The following ANKRD6 variants were observed in gnomAD, a reference collection of about 807,000 sequenced individuals.
ANKRD6 encodes ankyrin repeat domain 6.
Under a neutral mutation model 82.3 loss-of-function variants are expected in ANKRD6, and 56 were observed. The observed-to-expected ratio is 0.68, with a 90% CI of 0.55 to 0.85. The LOEUF is 0.85. Ranked by LOEUF, ANKRD6 falls within the 40% of genes least tolerant of loss-of-function variation. The probability of loss-of-function intolerance (pLI) is 0.00; values close to 1 mark genes in which losing one functional copy is unlikely to be tolerated. For synonymous variants in ANKRD6, 347 were observed against 352.1 expected, an observed-to-expected ratio of 0.99 and a Z score of 0.16; for missense variants, 852 against 907.6, an observed-to-expected ratio of 0.94 and a Z score of 0.79.
intron 1 of ANKRD6, among the ~76,000 whole-genome samples, chr6:89,488,152 G>C (rs1195475762): frequency 6.6e-6 from 1 of 152,210 alleles, no homozygotes; most frequent in Non-Finnish European, 1.5e-5. Context: ...TCTACAGCAT[G>C]TTGTGACCTA....
At chr6:89,491,835 G>A (rs570577189) in intron 1 of ANKRD6, among the ~76,000 whole-genome samples, 1 of 151,768 alleles carries the variant, frequency 6.6e-6, no homozygotes, top group Non-Finnish European at 1.5e-5. Context: ...CCTTATACCT[G>A]GAGGAAAAGA....
At chr6:89,477,098 C>T (rs1478405162) in intron 1 of ANKRD6, among the ~76,000 whole-genome samples, 1 of 152,168 alleles carries the variant, frequency 6.6e-6, no homozygotes, top group East Asian at 1.9e-4. Context: ...GCACCCCCTA[C>T]CACGCCCGGC....
At chr6:89,568,721 A>C (rs1012590353) in intron 2 of ANKRD6, among the ~76,000 whole-genome samples, 7 of 152,040 alleles carry the variant, frequency 4.6e-5, no homozygotes, top group African/African-American at 1.7e-4. Flanking sequence ...TCTCCCTGCT[A>C]TGTGAGGACA....
At chr6:89,601,559 C>G (rs2128172634) in intron 3 of ANKRD6, 1 of 152,250 alleles carries the variant, frequency 6.6e-6, no homozygotes, top group East Asian at 1.9e-4. Context: ...AAAATCCTTT[C>G]ATGGATTTTT....
chr6:89,549,371 C>T (rs1256713131), intron 1 of ANKRD6, among the ~76,000 whole-genome samples: 1 of 151,460 alleles, frequency 6.6e-6, no homozygotes, highest in Non-Finnish European at 1.5e-5. Flanking sequence ...GCAAGTTTGC[C>T]TCCCCACCCC....
At chr6:89,541,106 C>T (rs917118137) in intron 1 of ANKRD6, among the ~76,000 whole-genome samples, 2 of 151,862 alleles carry the variant, frequency 1.3e-5, no homozygotes, top group African/African-American at 4.8e-5. Context: ...ATTGGCTACT[C>T]TGGGTCTTTT....
intron 1 of ANKRD6, among the ~76,000 whole-genome samples, chr6:89,458,598 G>C (rs1292309697): frequency 1.3e-5 from 2 of 152,234 alleles, no homozygotes; most frequent in African/African-American, 4.8e-5. Context: ...TCCAGCACGG[G>C]AGAAAGATGA....
In ANKRD6 at chr6:89,603,130, G is replaced by A. The variant is rs1436238720; in HGVS notation, c.318+3G>A. 6.3e-7 allele frequency: 1 copy of A among 1,597,522 alleles called. No homozygotes were observed. Among genetic ancestry groups the A allele is most frequent in the Non-Finnish European group, 8.5e-7 (1 of 1,172,582 alleles). ...GTGCCCTGGACAGACAAGACAAGGT[G>A]AGTGGACACTGAGCTTCCTTACTCC... On this transcript the variant is annotated splice_donor_region_variant and intron_variant, in intron 4 of 15. Transcript: ENST00000339746.
intron 1 of ANKRD6, among the ~76,000 whole-genome samples, chr6:89,468,178 G>A (rs1024033806): frequency 2.0e-5 from 3 of 152,044 alleles, no homozygotes; most frequent in Non-Finnish European, 4.4e-5. Flanking sequence ...CTGAAGTTCC[G>A]GTCAGAGAGT....
chr6:89,609,526 T>C (rs1799664536), intron 5 of ANKRD6, among the ~76,000 whole-genome samples: 1 of 152,162 alleles, frequency 6.6e-6, no homozygotes, highest in South Asian at 2.1e-4. Flanking sequence ...GGTTTTGAAA[T>C]CCTGACCTCA....
rs193214693 is a variant in ANKRD6 at position 89,601,857 on chromosome 6, C to G, written c.220-1172C>G. The G allele has an allele frequency of 2.6e-5, 4 of 152,302 alleles. No individual in the cohort carries two copies. The East Asian group carries it at 7.7e-4, about 29-fold the overall frequency. The allele number at this position is 152,302 out of a possible 1,614,324, so 9.4% of individuals were successfully genotyped here. On this transcript the variant is annotated intron_variant, in intron 3 of 15. Transcript: ENST00000339746. ...TGTTTATAGGTAGCAGTGCATCCTT[C>G]TTTTAAAAAATCTGTTTTATCTTAT...
chr6:89,442,080 C>T (rs1771469244), intron 1 of ANKRD6, among the ~76,000 whole-genome samples: 1 of 152,166 alleles, frequency 6.6e-6, no homozygotes, highest in Non-Finnish European at 1.5e-5. Context: ...CATGCAGCCT[C>T]TGCCTCCCAG....
At position 89,467,077 on chromosome 6, in the gene ANKRD6, C is replaced by T. The variant is rs1227742293; in HGVS notation, c.-144+33702C>T. 2.0e-5 allele frequency among the ~76,000 whole-genome samples: 3 copies of T among 151,660 alleles called. No individual in the cohort carries two copies. The East Asian group carries it at 5.8e-4, about 29-fold the overall frequency. ...TTTTCAAGCAAGCTGGGTGCAGTGG[C>T]ATGTGCCGTAGTCTAGCTGTTCAGG... On this transcript the variant is annotated intron_variant, in intron 1 of 15. Coordinates refer to ENST00000339746, the MANE Select transcript of ANKRD6 (RefSeq NM_001242809.2).
intron 1 of ANKRD6, among the ~76,000 whole-genome samples, chr6:89,496,199 A>C (rs978712569): frequency 6.8e-5 from 10 of 147,500 alleles, no homozygotes; most frequent in Admixed American, 6.0e-4. Flanking sequence ...CCATAATTAA[A>C]GTACTTAGGA....
intron 1 of ANKRD6, among the ~76,000 whole-genome samples, chr6:89,496,176 GC>G (rs368122603): frequency 0.031 from 4,212 of 137,368 alleles, 58 homozygotes; most frequent in Middle Eastern, 0.054. Context: ...TTTCCACACT[GC>G]CCCCCCCCCC....
chr6:89,488,471 A>G (rs1384617475), intron 1 of ANKRD6, among the ~76,000 whole-genome samples: 7 of 152,112 alleles, frequency 4.6e-5, no homozygotes, highest in African/African-American at 1.4e-4. Flanking sequence ...AACAAACCAC[A>G]TGACAGTGCA....
rs141399709 is a variant in ANKRD6, at chr6:89,512,981, G to A, written c.-143-53853G>A. Reference sequence around the variant, plus strand: ...GCTCTGTTGCCCAGGCTGGAGTGCAGCGGTGGGATCATTGCTCACTGCAGC... The same window carrying A: ...GCTCTGTTGCCCAGGCTGGAGTGCAACGGTGGGATCATTGCTCACTGCAGC... On this transcript the variant is annotated intron_variant, in intron 1 of 15. Coordinates refer to ENST00000339746, the MANE Select transcript of ANKRD6 (RefSeq NM_001242809.2). 1.8e-3 allele frequency among the ~76,000 whole-genome samples: 278 copies of A among 151,824 alleles called. 2 individuals are homozygous for A. Among genetic ancestry groups the A allele is most frequent in the Middle Eastern group, 6.8e-3 (2 of 294 alleles).
At position 89,616,454 on chromosome 6, in the gene ANKRD6, A is replaced by C. The variant is rs1801609327; in HGVS notation, c.616-105A>C. ...AGGGCCCCATTTCAGTCTCAGGCAA[A>C]TCTCAGTTTGACTTTGAAGAGCCAC... On this transcript the variant is annotated intron_variant, in intron 7 of 15. Transcript: ENST00000339746. 2.9e-6 allele frequency: 3 copies of C among 1,029,720 alleles called. No homozygotes were observed. In the African/African-American group the frequency reaches 4.8e-5, roughly 16 times the overall value. The allele number at this position is 1,029,720 out of a possible 1,614,324, so 63.8% of individuals were successfully genotyped here. A position where few individuals can be genotyped will look rare whatever the true frequency, so the allele number is the denominator to read the frequency against.
At chr6:89,454,777 G>A (rs1277501420) in intron 1 of ANKRD6, among the ~76,000 whole-genome samples, 1 of 151,964 alleles carries the variant, frequency 6.6e-6, no homozygotes, top group Non-Finnish European at 1.5e-5. Flanking sequence ...ATAGTTCTAC[G>A]AACCAAATGT....
Sources: allele counts gnomAD v4.1 joint callset (sites outside exome capture counted in the v4.1 genomes callset), GRCh38; gene constraint gnomAD v4.1.1; transcripts MANE v1.5; gene names NCBI Gene and HGNC (gene_info 2026-07-23, HGNC 2026-07-21).